The following BCKDHB variants were observed in gnomAD, a reference collection of about 807,000 sequenced individuals.
BCKDHB encodes branched chain keto acid dehydrogenase E1 subunit beta.
BCKDHB carries 41 observed loss-of-function variants against 48.5 expected under a neutral mutation model. The observed-to-expected ratio is 0.85, with a 90% confidence interval of 0.66 to 1.10. The LOEUF is 1.10. BCKDHB is among the 50% of genes least tolerant of loss of function. The pLI is 0.00. For missense variants in BCKDHB, 496 were observed against 494.2 expected, an observed-to-expected ratio of 1.00 and a Z score of -0.03; for synonymous variants, 201 against 174.8, an observed-to-expected ratio of 1.15 and a Z score of -1.18.
At chr6:80,428,953 A>G in the BCKDHB span, among the ~76,000 whole-genome samples, 5 of 152,186 alleles carry the variant, frequency 3.3e-5, no homozygotes, top group Admixed American at 3.3e-4. Flanking sequence ...GCCCATGCCT[A>G]TGTCCTGAAT....
chr6:80,126,020 A>G (rs1041730746), intron 1 of BCKDHB, among the ~76,000 whole-genome samples: 2 of 152,226 alleles, frequency 1.3e-5, no homozygotes, highest in African/African-American at 4.8e-5. Flanking sequence ...ATTAAGTGTT[A>G]TAGCCCTAGC....
intron 8 of BCKDHB, among the ~76,000 whole-genome samples, chr6:80,240,571 A>G (rs531614923): frequency 1.4e-3 from 208 of 152,272 alleles, no homozygotes; most frequent in Middle Eastern, 0.01. Flanking sequence ...TTGGGCTGAG[A>G]CGATGGGGTT....
intron 9 of BCKDHB, among the ~76,000 whole-genome samples, chr6:80,342,174 G>A (rs530187013): frequency 1.3e-5 from 2 of 152,098 alleles, no homozygotes; most frequent in South Asian, 2.1e-4. Flanking sequence ...AATCACACAG[G>A]GGGTAGGGAT....
At chr6:80,374,704 G>C in the BCKDHB span, 1 of 340,068 alleles carries the variant, frequency 2.9e-6, no homozygotes, top group South Asian at 3.9e-5. Context: ...TTTGTCACCC[G>C]AATATCTAGG....
chr6:80,256,624 T>A (rs952880041), intron 8 of BCKDHB, among the ~76,000 whole-genome samples: 2 of 152,198 alleles, frequency 1.3e-5, no homozygotes, highest in Admixed American at 6.5e-5. Flanking sequence ...TTATAAAGCT[T>A]TTTTTATACT....
At chr6:80,128,922 A>G (rs1254674130) in intron 2 of BCKDHB, among the ~76,000 whole-genome samples, 1 of 151,380 alleles carries the variant, frequency 6.6e-6, no homozygotes, top group Non-Finnish European at 1.5e-5. Flanking sequence ...ACTGTCATCC[A>G]GTGGGTAGAG....
intron 3 of BCKDHB, among the ~76,000 whole-genome samples, chr6:80,148,355 A>T (rs925005185): frequency 6.6e-6 from 1 of 152,108 alleles, no homozygotes; most frequent in African/African-American, 2.4e-5. Flanking sequence ...ATCAGTGTAG[A>T]AACCTTTCTG....
intron 6 of BCKDHB, among the ~76,000 whole-genome samples, chr6:80,177,823 C>G: frequency 6.6e-6 from 1 of 152,204 alleles, no homozygotes. Context: ...TAGGCATCAA[C>G]AAGTTAACTT....
At chr6:80,155,179 A>G (rs1295169268) in intron 3 of BCKDHB, among the ~76,000 whole-genome samples, 1 of 152,114 alleles carries the variant, frequency 6.6e-6, no homozygotes, top group East Asian at 1.9e-4. Context: ...GTTGGTAGCT[A>G]GGTCATGCAC....
the BCKDHB span, among the ~76,000 whole-genome samples, chr6:80,371,114 A>G: frequency 1.6e-4 from 24 of 152,056 alleles, no homozygotes; most frequent in Non-Finnish European, 3.2e-4. Context: ...CAACAATGTA[A>G]AAGTGTTCCC....
the BCKDHB span, among the ~76,000 whole-genome samples, chr6:80,396,687 AG>A: frequency 6.6e-6 from 1 of 152,206 alleles, no homozygotes; most frequent in South Asian, 2.1e-4. Flanking sequence ...TGTGATAGTC[AG>A]TGAATTCTCA....
chr6:80,116,446 A>G lies in BCKDHB; in HGVS notation c.196+9557A>G, dbSNP rs1769708720. The stretch of plus-strand genomic sequence containing the variant: ...ATTTATTTAGCACCTATTACATGTC[A>G]GGCCCTGTTGTGAGCACTGAAGACA... On this transcript the variant is annotated intron_variant, in intron 1 of 9. Coordinates refer to ENST00000320393, the MANE Select transcript of BCKDHB (RefSeq NM_183050.4). 3.9e-5 allele frequency among the ~76,000 whole-genome samples: 6 copies of G among 152,346 alleles called. 1 individual carries two copies. In the South Asian group the frequency reaches 1.2e-3, roughly 32 times the overall value.
At chr6:80,154,972 A>G (rs1402408930) in intron 3 of BCKDHB, among the ~76,000 whole-genome samples, 1 of 152,154 alleles carries the variant, frequency 6.6e-6, no homozygotes, top group East Asian at 1.9e-4. Context: ...CCTTTTTGAG[A>G]TAGAAACATG....
chr6:80,320,583 C>G (rs1768670744), intron 9 of BCKDHB, among the ~76,000 whole-genome samples: 1 of 152,198 alleles, frequency 6.6e-6, no homozygotes, highest in Non-Finnish European at 1.5e-5. Flanking sequence ...GTTCACAATT[C>G]AGCGACCGTT....
chr6:80,383,111 A>C, the BCKDHB span, among the ~76,000 whole-genome samples: 18 of 152,168 alleles, frequency 1.2e-4, no homozygotes, highest in African/African-American at 4.3e-4. Flanking sequence ...GTCTTGTGGC[A>C]GGGGGAAAAG....
rs1364209654 is a variant in BCKDHB at position 80,345,428 on chromosome 6, G to A, written c.*1624G>A. The A allele has an allele frequency of 6.6e-6, 1 of 152,194 alleles. No homozygotes were observed. Among genetic ancestry groups the A allele is most frequent in the Non-Finnish European group, 1.5e-5 (1 of 68,034 alleles). 9.4% of individuals were successfully genotyped at this position (152,194 alleles called of 1,614,324 possible). A position where few individuals can be genotyped will look rare whatever the true frequency, so the allele number is the denominator to read the frequency against. ...GTATGGGTAGTAAATCTAGCTCACTGAAAATCAGAGTGAAACGCCTTTACA... is the reference window on the plus strand; with the variant it reads ...GTATGGGTAGTAAATCTAGCTCACTAAAAATCAGAGTGAAACGCCTTTACA... On this transcript the variant is annotated 3_prime_UTR_variant, in exon 10 of 10. Transcript: ENST00000320393.
the BCKDHB span, among the ~76,000 whole-genome samples, chr6:80,391,154 ATACT>A: frequency 5.0e-5 from 7 of 140,950 alleles, no homozygotes; most frequent in South Asian, 4.9e-4. Context: ...GTGTAAGTTA[ATACT>A]TAATAAATGC....
chr6:80,385,461 T>G, the BCKDHB span, among the ~76,000 whole-genome samples: 1 of 152,154 alleles, frequency 6.6e-6, no homozygotes, highest in Non-Finnish European at 1.5e-5. Flanking sequence ...GACACTGAGT[T>G]TGTAAACTCT....
At chr6:80,330,234 A>G (rs1769255480) in intron 9 of BCKDHB, among the ~76,000 whole-genome samples, 1 of 152,182 alleles carries the variant, frequency 6.6e-6, no homozygotes, top group African/African-American at 2.4e-5. Flanking sequence ...GGAAAGGGAC[A>G]TGATCAAAAT....
Sources: gnomAD v4.1 joint callset for allele counts (sites outside exome capture counted in the v4.1 genomes callset) on GRCh38, gnomAD v4.1.1 for gene constraint, MANE v1.5 for transcripts, NCBI Gene and HGNC (gene_info 2026-07-23, HGNC 2026-07-21) for gene names.